VPS53: variants seen among roughly 807,000 people sequenced by gnomAD.
VPS53 encodes vacuolar protein sorting-associated protein 53 homolog.
Under a neutral mutation model 107.0 loss-of-function variants are expected in VPS53, and 70 were observed. The observed-to-expected ratio is 0.65, with a 90% CI of 0.54 to 0.80. The LOEUF (loss-of-function observed/expected upper bound fraction) is 0.80. VPS53 is among the 30% of genes least tolerant of loss of function. The probability of loss-of-function intolerance (pLI) is 0.00; values close to 1 mark genes in which losing one functional copy is unlikely to be tolerated. For synonymous variants in VPS53, 409 were observed against 393.3 expected (o/e 1.04, Z -0.47); for missense variants, 917 against 1,049.4 (o/e 0.87, Z 1.74).
intron 12 of VPS53, among the ~76,000 whole-genome samples, chr17:598,904 G>A (rs1300845328): frequency 3.3e-4 from 7 of 20,942 alleles, no homozygotes; most frequent in Admixed American, 9.8e-4. Flanking sequence ...CAGCCGCCCC[G>A]TCCGGGAGGT....
chr17:623,007 G>A (rs939359679), intron 11 of VPS53, among the ~76,000 whole-genome samples: 2 of 152,020 alleles, frequency 1.3e-5, no homozygotes, highest in Non-Finnish European at 1.5e-5. Context: ...GAGGTTTCCG[G>A]AGTGAAAATT....
intron 19 of VPS53, among the ~76,000 whole-genome samples, chr17:528,010 C>T (rs1909252431): frequency 6.6e-6 from 1 of 152,178 alleles, no homozygotes; most frequent in South Asian, 2.1e-4. Flanking sequence ...AGGTCATAAA[C>T]ATATTGTCTT....
chr17:682,521 G>T (rs1049416930), intron 4 of VPS53, among the ~76,000 whole-genome samples: 2 of 152,112 alleles, frequency 1.3e-5, no homozygotes, highest in African/African-American at 2.4e-5. Flanking sequence ...ACAAGCAGGC[G>T]AGAGGGCTGA....
At chr17:545,653 C>T (rs1911122215) in intron 17 of VPS53, among the ~76,000 whole-genome samples, 1 of 152,244 alleles carries the variant, frequency 6.6e-6, no homozygotes, top group Non-Finnish European at 1.5e-5. Flanking sequence ...CTGGCTCCCT[C>T]TTTACCTTCA....
chr17:647,758 C>T (rs539996501), intron 7 of VPS53, among the ~76,000 whole-genome samples: 1 of 152,270 alleles, frequency 6.6e-6, no homozygotes, highest in South Asian at 2.1e-4. Context: ...GTTGCAACCT[C>T]CCATTCCTGC....
chr17:598,762 C>T (rs1316230362), intron 12 of VPS53, among the ~76,000 whole-genome samples: 4 of 126,708 alleles, frequency 3.2e-5, no homozygotes, highest in East Asian at 3.0e-4. Context: ...CCCCTCCGCC[C>T]GGCAGCCGCC....
intron 15 of VPS53, among the ~76,000 whole-genome samples, chr17:559,220 G>GA (rs1912720702): frequency 6.6e-6 from 1 of 152,116 alleles, no homozygotes; most frequent in Non-Finnish European, 1.5e-5. Context: ...AATAACAATT[G>GA]AAAAAATACC....
chr17:519,169 G>C lies in VPS53; in HGVS notation c.2458C>G (p.Arg820Gly), dbSNP rs561656938. The C allele has an allele frequency of 1.5e-4, 231 of 1,545,532 alleles. No homozygotes were observed. The South Asian group carries it at 2.7e-3, about 18-fold the overall frequency. The change falls in exon 22 of 22, where the codon CGC (arginine) becomes GGC (glycine). Residue 820 changes from arginine to glycine, a missense_variant. Arg to Gly is a moderately radical substitution (Grantham distance 125). Transcript: ENST00000437048. This position sits in a 1 kb window ranked among gnomAD's most constrained non-coding sequence, Gnocchi z 5.0. ...ATGAGTTTCTCGAGCTTGCGGATGC[G>C]TGACGACTCTTGCTCTGGTGTTGGC... ...TAPTPEQESS[R>G]IRKLEKLIKK...
In VPS53 at chr17:662,787, A is replaced by AG. The variant is rs1971504360; in HGVS notation, c.286-893_286-892insC. On this transcript the variant is annotated intron_variant, in intron 4 of 21. Transcript: ENST00000437048. ...AAAGAAAGAAAGAGAAAGAAAGAAA[A>AG]AAAGAAAGAGAAAGAAAGAAAAAAA... is the stretch of plus-strand genomic sequence containing the variant. Among the ~76,000 whole-genome samples, 238 of 85,914 alleles carry AG rather than the reference A, an allele frequency of 2.8e-3. 3 individuals carry two copies. Among genetic ancestry groups the AG allele is most frequent in the East Asian group, 9.3e-3 (26 of 2,792 alleles). 56.4% of individuals were successfully genotyped at this position (85,914 alleles called of 152,430 possible).
At chr17:640,341 C>A (rs961588990) in intron 7 of VPS53, among the ~76,000 whole-genome samples, 1 of 152,106 alleles carries the variant, frequency 6.6e-6, no homozygotes, top group Non-Finnish European at 1.5e-5. Flanking sequence ...TGACCCCTTG[C>A]GCTTCCCGGG....
At chr17:529,475 T>C (rs534902345) in intron 19 of VPS53, among the ~76,000 whole-genome samples, 10 of 152,110 alleles carry the variant, frequency 6.6e-5, no homozygotes, top group Non-Finnish European at 1.3e-4. Flanking sequence ...GTAATTAGGA[T>C]TGAATTCTAT....
At chr17:697,086 C>T (rs1445253205) in intron 4 of VPS53, among the ~76,000 whole-genome samples, 2 of 152,246 alleles carry the variant, frequency 1.3e-5, no homozygotes, top group East Asian at 1.9e-4. Flanking sequence ...AAAACCCCAA[C>T]AACTCAGCTG....
intron 6 of VPS53, among the ~76,000 whole-genome samples, chr17:654,488 C>T (rs1597442829): frequency 6.6e-6 from 1 of 151,976 alleles, no homozygotes; most frequent in East Asian, 1.9e-4. Context: ...CCTGTAATCC[C>T]AGCACTTTGG....
chr17:534,539 G>A (rs1909871061), intron 18 of VPS53, among the ~76,000 whole-genome samples: 1 of 152,200 alleles, frequency 6.6e-6, no homozygotes, highest in Non-Finnish European at 1.5e-5. Flanking sequence ...CTGGAAACCA[G>A]AGCCAGACAA....
In VPS53 at chr17:571,797, G is replaced by A. The variant is rs1914128181; in HGVS notation, c.1314-9052C>T. ...TAACCGCGAGTGATCCGCCAGCCTC[G>A]GCCTCCCGAGGTGCCGGGATTGCAG... is the stretch of plus-strand genomic sequence containing the variant. On this transcript the variant is annotated intron_variant, in intron 13 of 21. Transcript: ENST00000437048. Among the ~76,000 whole-genome samples the A allele has an allele frequency of 4.6e-5, 7 of 152,342 alleles. No individual in the cohort carries two copies. The South Asian group carries it at 1.4e-3, about 32-fold the overall frequency.
At position 586,274 on chromosome 17, in the gene VPS53, C is replaced by T; in HGVS notation, c.1309G>A (p.Asp437Asn). ...PHLYVYIESQDKNLGELIDRF... is the reference protein window; with the variant it reads ...PHLYVYIESQNKNLGELIDRF... ...CAGCGAATGTTCCTCACTCACTTGT[C>T]TTGGGATTCGATATACACGTAGAGA... Residue 437 changes from aspartate to asparagine, a missense_variant, in exon 13 of 22, where the codon GAC becomes AAC. Asp to Asn is a conservative substitution (Grantham distance 23). Transcript: ENST00000437048. The T allele has an allele frequency of 6.2e-7, 1 of 1,613,840 alleles. No homozygotes were observed. The highest frequency in any genetic ancestry group is 8.5e-7 in the Non-Finnish European group (1 of 1,179,786).
chr17:650,989 A>G (rs960805495), intron 7 of VPS53, among the ~76,000 whole-genome samples: 1 of 152,276 alleles, frequency 6.6e-6, no homozygotes. Context: ...AGTTAAAACA[A>G]AACAAAGCAA....
chr17:706,983 A>G (rs556187543), intron 2 of VPS53, among the ~76,000 whole-genome samples: 2 of 152,298 alleles, frequency 1.3e-5, no homozygotes, highest in Non-Finnish European at 2.9e-5. Context: ...TGCTCCAGTC[A>G]TTATCCTGCC....
At chr17:629,700 T>C (rs540616020) in intron 8 of VPS53, among the ~76,000 whole-genome samples, 7 of 151,084 alleles carry the variant, frequency 4.6e-5, no homozygotes, top group African/African-American at 1.7e-4. Flanking sequence ...AAGGTGGAGC[T>C]TGCAGTGAGC....
Sources: allele counts gnomAD v4.1 joint callset (sites outside exome capture counted in the v4.1 genomes callset), GRCh38; gene constraint gnomAD v4.1.1; non-coding constraint Gnocchi (gnomAD v3.1); transcripts MANE v1.5; gene names NCBI Gene and HGNC (gene_info 2026-07-23, HGNC 2026-07-21).